Variants in TMEM63C observed in about 807,000 individuals in gnomAD.
The protein encoded by TMEM63C is transmembrane protein 63C.
TMEM63C carries 32 observed loss-of-function variants against 99.2 expected under a neutral mutation model. That is an observed-to-expected ratio of 0.32 (90% CI 0.24 to 0.43). The LOEUF is 0.43. Among genes scored for constraint, TMEM63C ranks in the 20% least tolerant of loss-of-function variants. The pLI is 1.00. For missense variants in TMEM63C, 826 were observed against 1,053.0 expected (o/e 0.78, Z 2.98); for synonymous variants, 376 against 397.9 (o/e 0.94, Z 0.66).
chr14:77,200,015 T>G (rs1293595573), intron 1 of TMEM63C, among the ~76,000 whole-genome samples: 1 of 152,296 alleles, frequency 6.6e-6, no homozygotes, highest in South Asian at 2.1e-4. Context: ...GAGGGATCCC[T>G]CTCTTCCCCC....
At chr14:77,201,319 T>C (rs1256968368) in intron 1 of TMEM63C, among the ~76,000 whole-genome samples, 6 of 152,220 alleles carry the variant, frequency 3.9e-5, no homozygotes, top group Non-Finnish European at 8.8e-5. Context: ...GTAGGCACCT[T>C]GAGTTCAGGG....
chr14:77,202,289 T>TACAC (rs59017859), intron 1 of TMEM63C, among the ~76,000 whole-genome samples: 36,351 of 149,594 alleles, frequency 0.24, 4,871 homozygotes, highest in Admixed American at 0.37. Context: ...CATACTCAGA[T>TACAC]ACACACACAC....
At chr14:77,187,509 A>C (rs945870417) in intron 1 of TMEM63C, among the ~76,000 whole-genome samples, 2 of 152,036 alleles carry the variant, frequency 1.3e-5, no homozygotes, top group African/African-American at 4.8e-5. Context: ...CAGGCTCCAC[A>C]CTCCATGGAG....
chr14:77,256,570 C>T lies in TMEM63C; in HGVS notation c.2265C>T (p.Thr755=), dbSNP rs777214998. 18 of 1,613,910 alleles carry T rather than the reference C, an allele frequency of 1.1e-5. No individual in the cohort carries two copies. Among genetic ancestry groups the T allele is most frequent in the Non-Finnish European group, 1.5e-5 (18 of 1,179,896 alleles). ...TGCAAGAACCGGAGTTGAATCTGAC[C>T]CCCGCCTCCTCCCCAGCCAGGCACA... ...TVLQEPELNL[T]PASSPARHTY... The change falls in exon 24 of 24, where the codon ACC becomes ACT. Residue 755 remains threonine, a synonymous_variant. Transcript: ENST00000298351.
At chr14:77,216,037 G>A (rs1203034884) in intron 2 of TMEM63C, among the ~76,000 whole-genome samples, 3 of 152,098 alleles carry the variant, frequency 2.0e-5, no homozygotes, top group South Asian at 2.1e-4. Flanking sequence ...GCAGTGGCTC[G>A]TGCCTCAAGT....
chr14:77,200,271 G>C (rs967142146), intron 1 of TMEM63C, among the ~76,000 whole-genome samples: 1 of 152,182 alleles, frequency 6.6e-6, no homozygotes, highest in Admixed American at 6.5e-5. Context: ...AGGCTCTGAT[G>C]ATCCCCAGAG....
At chr14:77,191,500 AT>A (rs11301125) in intron 1 of TMEM63C, among the ~76,000 whole-genome samples, 99,484 of 133,826 alleles carry the variant, frequency 0.74, 36,028 homozygotes, top group East Asian at 0.88. Context: ...CAAGTTCTCC[AT>A]TTTTTTTTTC....
At chr14:77,229,353 T>C (rs560788506) in intron 6 of TMEM63C, among the ~76,000 whole-genome samples, 3 of 152,192 alleles carry the variant, frequency 2.0e-5, no homozygotes, top group African/African-American at 7.2e-5. Flanking sequence ...GCCAAGATCA[T>C]GTCACGCACT....
At chr14:77,235,685 C>G (rs867636055) in intron 8 of TMEM63C, among the ~76,000 whole-genome samples, 1 of 2,274 alleles carries the variant, frequency 4.4e-4, no homozygotes, top group Admixed American at 0.012. Context: ...TGGTGGGTGG[C>G]GGGTATGGGG....
At chr14:77,225,509 G>T (rs763864782) in intron 6 of TMEM63C, 48 bp downstream of exon 6, 16 of 1,599,458 alleles carry the variant, frequency 1.0e-5, no homozygotes, top group South Asian at 2.2e-5. Context: ...CCTTGGGGGT[G>T]GGGGGTGGAG....
At chr14:77,248,145 A>G (rs1159580771) in intron 18 of TMEM63C, among the ~76,000 whole-genome samples, 1 of 152,064 alleles carries the variant, frequency 6.6e-6, no homozygotes, top group Non-Finnish European at 1.5e-5. Flanking sequence ...ACTGCTTGTT[A>G]ACTTCATTGG....
chr14:77,236,548 G>C (rs1889064959), intron 8 of TMEM63C, 76 bp from the exon 9 acceptor site: 1 of 1,037,558 alleles, frequency 9.6e-7, no homozygotes, highest in Non-Finnish European at 1.5e-6. Flanking sequence ...GGTAGGAGGA[G>C]GCCCAGGGGT....
intron 1 of TMEM63C, among the ~76,000 whole-genome samples, chr14:77,212,778 C>A (rs1888513802): frequency 6.6e-6 from 1 of 152,186 alleles, no homozygotes; most frequent in African/African-American, 2.4e-5. Flanking sequence ...CACTGCCCTG[C>A]AGGTTGAGCA....
At chr14:77,231,125 C>T (rs2140118261) in intron 6 of TMEM63C, among the ~76,000 whole-genome samples, 1 of 152,304 alleles carries the variant, frequency 6.6e-6, no homozygotes, top group Non-Finnish European at 1.5e-5. Flanking sequence ...TAGTGTTGTC[C>T]AACTTTCCAA....
At chr14:77,214,513 C>T (rs569541286) in intron 2 of TMEM63C, among the ~76,000 whole-genome samples, 6 of 152,034 alleles carry the variant, frequency 3.9e-5, no homozygotes, top group Admixed American at 2.0e-4. Flanking sequence ...GGGATGGAGA[C>T]GTGTCTTTCT....
chr14:77,185,204 G>A (rs1240094113), intron 1 of TMEM63C, among the ~76,000 whole-genome samples: 5 of 152,138 alleles, frequency 3.3e-5, no homozygotes, highest in Non-Finnish European at 5.9e-5. Context: ...CATTTGACAC[G>A]AGCACCCTCA....
intron 1 of TMEM63C, among the ~76,000 whole-genome samples, chr14:77,195,713 A>T (rs958860148): frequency 3.9e-5 from 6 of 152,196 alleles, no homozygotes; most frequent in African/African-American, 1.4e-4. Flanking sequence ...CCAGCTCAGC[A>T]GGGGAAGTGA....
intron 1 of TMEM63C, among the ~76,000 whole-genome samples, chr14:77,201,310 T>C (rs1888297639): frequency 6.6e-6 from 1 of 152,238 alleles, no homozygotes; most frequent in South Asian, 2.1e-4. Flanking sequence ...GTCTTGCCTG[T>C]AGGCACCTTG....
rs957720020 is a variant in TMEM63C at position 77,256,666 on chromosome 14, G to T, written c.2361G>T (p.Glu787Asp). Residue 787 changes from glutamate (E) to aspartate (D), a missense_variant, in exon 24 of 24, where the codon GAG becomes GAT. Coordinates refer to ENST00000298351, the MANE Select transcript of TMEM63C (RefSeq NM_020431.4). The part of the protein sequence containing the change: ...EESGLRGFAR[E>D]LDSAQFQEGL... ...GTGGTCTGAGGGGCTTTGCGAGGGAGCTAGACTCGGCCCAGTTCCAGGAAG... is the reference window on the plus strand; with the variant it reads ...GTGGTCTGAGGGGCTTTGCGAGGGATCTAGACTCGGCCCAGTTCCAGGAAG... The T allele has an allele frequency of 5.6e-6, 9 of 1,613,892 alleles. No individual in the cohort carries two copies. In the African/African-American group the frequency reaches 9.3e-5, roughly 17 times the overall value.
Sources: allele counts gnomAD v4.1 joint callset (sites outside exome capture counted in the v4.1 genomes callset), GRCh38; gene constraint gnomAD v4.1.1; transcripts MANE v1.5; gene names NCBI Gene and HGNC (gene_info 2026-07-23, HGNC 2026-07-21).